Variants in ANKH observed in about 807,000 individuals in gnomAD.
ANKH encodes ANKH inorganic pyrophosphate transport regulator.
ANKH carries 15 observed loss-of-function variants against 49.0 expected under a neutral mutation model. That is an observed-to-expected ratio of 0.31 (90% confidence interval 0.20 to 0.47). ANKH has a LOEUF of 0.47. ANKH is among the 20% of genes least tolerant of loss of function. The probability of loss-of-function intolerance (pLI) is 1.00; values close to 1 mark genes in which losing one functional copy is unlikely to be tolerated. For synonymous variants in ANKH, 273 were observed against 260.0 expected (o/e 1.05, Z -0.48); for missense variants, 429 against 652.0 (o/e 0.66, Z 3.72).
chr5:14,858,064 TTAAA>T (rs1735333459), intron 1 of ANKH, among the ~76,000 whole-genome samples: 1 of 152,262 alleles, frequency 6.6e-6, no homozygotes, highest in Non-Finnish European at 1.5e-5. Flanking sequence ...AGATAATTGG[TTAAA>T]TAAATGATGG....
chr5:14,752,741 G>A (rs17250963), intron 4 of ANKH, among the ~76,000 whole-genome samples: 27,895 of 151,798 alleles, frequency 0.18, 2,749 homozygotes, highest in African/African-American at 0.23. Flanking sequence ...GGAGCGGGTA[G>A]TCAACAGAGC....
intron 1 of ANKH, 39 bp downstream of exon 1, chr5:14,871,313 G>A: frequency 6.3e-7 from 1 of 1,577,460 alleles, no homozygotes; most frequent in Non-Finnish European, 8.7e-7. Context: ...TAAGGCCAAG[G>A]CAGGGCGAGC....
At position 14,705,817 on chromosome 5, in the gene ANKH, T is replaced by A. The variant is rs1194113067; in HGVS notation, c.*5380A>T. 6.6e-6 allele frequency: 1 copy of A among 152,518 alleles called. No individual in the cohort carries two copies. Among genetic ancestry groups the A allele is most frequent in the East Asian group, 1.9e-4 (1 of 5,190 alleles). 9.4% of individuals were successfully genotyped at this position (152,518 alleles called of 1,614,324 possible). On this transcript the variant is annotated 3_prime_UTR_variant, in exon 12 of 12. Coordinates refer to ENST00000284268, the MANE Select transcript of ANKH (RefSeq NM_054027.6). ...GTACTCCTTTGTTACGCAAGGGTGG[T>A]TTGAACTTAGCTTTCAGTAGCTGTT...
At chr5:14,820,380 T>C (rs887438620) in intron 1 of ANKH, among the ~76,000 whole-genome samples, 2 of 152,204 alleles carry the variant, frequency 1.3e-5, no homozygotes, top group South Asian at 2.1e-4. Context: ...TGACACTTGT[T>C]AAAATGGTAA....
In ANKH at chr5:14,713,990, C is replaced by G. The variant is rs1264893879; in HGVS notation, c.1142-323G>C. ...CTGTCCCCACACTTGGCCAGCCTCG[C>G]CCTCTGATCATCTACCTCTAGAAGA... On this transcript the variant is annotated intron_variant, in intron 9 of 11. Transcript: ENST00000284268. The surrounding 1 kb of genome is among the most constrained non-coding windows in gnomAD (Gnocchi z 4.4). Among the ~76,000 whole-genome samples, 1 of 152,264 alleles carries G rather than the reference C, an allele frequency of 6.6e-6. No individual in the cohort carries two copies. The highest frequency in any genetic ancestry group is 1.9e-4 in the East Asian group (1 of 5,196).
chr5:14,793,035 A>AATATATATAT (rs1247366121), intron 1 of ANKH, among the ~76,000 whole-genome samples: 1,287 of 72,210 alleles, frequency 0.018, 20 homozygotes, highest in Non-Finnish European at 0.027. Flanking sequence ...TATATATATA[A>AATATATATAT]AAATATATAT....
chr5:14,830,548 TGTGA>T (rs1489655445), intron 1 of ANKH, among the ~76,000 whole-genome samples: 5 of 151,992 alleles, frequency 3.3e-5, no homozygotes, highest in African/African-American at 9.7e-5. Context: ...TCTGTGTGTG[TGTGA>T]GTGTGTGCAG....
intron 1 of ANKH, among the ~76,000 whole-genome samples, chr5:14,796,067 A>G (rs1171092689): frequency 6.6e-6 from 1 of 151,994 alleles, no homozygotes; most frequent in East Asian, 1.9e-4. Flanking sequence ...ATTCTTTTCG[A>G]CGTGATATTT....
chr5:14,721,411 G>A (rs937878311), intron 8 of ANKH, among the ~76,000 whole-genome samples: 1 of 152,176 alleles, frequency 6.6e-6, no homozygotes, highest in Admixed American at 6.5e-5. Flanking sequence ...ACTGGAAGCG[G>A]TTAGTCTGAT....
At chr5:14,785,780 C>A (rs1371175922) in intron 1 of ANKH, among the ~76,000 whole-genome samples, 2 of 151,992 alleles carry the variant, frequency 1.3e-5, no homozygotes, top group African/African-American at 4.8e-5. Context: ...ATCGGCAGGG[C>A]GTGGTGGCTC....
At chr5:14,811,391 C>T (rs1004289300) in intron 1 of ANKH, among the ~76,000 whole-genome samples, 4 of 152,176 alleles carry the variant, frequency 2.6e-5, no homozygotes, top group East Asian at 1.9e-4. Flanking sequence ...ACTTTCCACA[C>T]GAAGCCTCCA....
At chr5:14,743,234 C>G (rs969307950) in intron 7 of ANKH, among the ~76,000 whole-genome samples, 1 of 152,220 alleles carries the variant, frequency 6.6e-6, no homozygotes, top group Admixed American at 6.5e-5. Flanking sequence ...TCCATTCACC[C>G]TGGATCTGTT....
intron 4 of ANKH, 34 bp from the exon 5 acceptor site, chr5:14,751,273 G>C: frequency 6.2e-7 from 1 of 1,609,368 alleles, no homozygotes; most frequent in East Asian, 2.2e-5. Context: ...AGGTCAGAGG[G>C]GAGAAGCGGG....
chr5:14,846,681 G>A (rs1048875712), intron 1 of ANKH, among the ~76,000 whole-genome samples: 1 of 152,088 alleles, frequency 6.6e-6, no homozygotes, highest in Non-Finnish European at 1.5e-5. Context: ...GACACCCAGG[G>A]AAGAGCATGG....
At chr5:14,867,869 C>A (rs184868071) in intron 1 of ANKH, among the ~76,000 whole-genome samples, 53 of 152,306 alleles carry the variant, frequency 3.5e-4, no homozygotes, top group Admixed American at 3.1e-3. Context: ...AAAAGCAGAT[C>A]ATTTTATTCC....
chr5:14,737,660 G>A lies in ANKH; in HGVS notation c.1011+4167C>T, dbSNP rs554761238. On this transcript the variant is annotated intron_variant, in intron 8 of 11. Transcript: ENST00000284268. This position sits in a 1 kb window ranked among gnomAD's most constrained non-coding sequence, Gnocchi z 5.0. ...CCTTTGCGTGGCTGCAACCCTGCAC[G>A]CTTCCACGTGAAAGCAGACCCTCTG... Among the ~76,000 whole-genome samples the A allele has an allele frequency of 1.3e-5, 2 of 152,338 alleles. No homozygotes were observed. The highest frequency in any genetic ancestry group is 2.1e-4 in the South Asian group (1 of 4,822).
At chr5:14,861,160 C>T (rs1735477900) in intron 1 of ANKH, among the ~76,000 whole-genome samples, 1 of 152,160 alleles carries the variant, frequency 6.6e-6, no homozygotes, top group South Asian at 2.1e-4. Context: ...AGGCAGTAAC[C>T]TGAAGTAACT....
At chr5:14,871,262 T>A in intron 1 of ANKH, 90 bp downstream of exon 1, 1 of 1,136,194 alleles carries the variant, frequency 8.8e-7, no homozygotes, top group Non-Finnish European at 1.3e-6. Context: ...AAAGAGGGAC[T>A]CGGAGCAGGT....
At chr5:14,799,371 G>T (rs1272090493) in intron 1 of ANKH, among the ~76,000 whole-genome samples, 4 of 152,212 alleles carry the variant, frequency 2.6e-5, no homozygotes, top group African/African-American at 9.6e-5. Context: ...CACTAATGAA[G>T]GTGGCTACAT....
Sources: allele counts gnomAD v4.1 joint callset (sites outside exome capture counted in the v4.1 genomes callset), GRCh38; gene constraint gnomAD v4.1.1; non-coding constraint Gnocchi (gnomAD v3.1); transcripts MANE v1.5; gene names NCBI Gene and HGNC (gene_info 2026-07-23, HGNC 2026-07-21).